The following RC3H1 variants were observed in gnomAD, a reference collection of about 807,000 sequenced individuals.
RC3H1 encodes roquin-1.
A neutral mutation model predicts 138.2 loss-of-function variants in RC3H1; 50 were observed. That is an observed-to-expected ratio of 0.36 (90% CI 0.29 to 0.46). RC3H1 has a LOEUF of 0.46. RC3H1 is among the 20% of genes least tolerant of loss of function. RC3H1 has a pLI of 1.00. For synonymous variants in RC3H1, 462 were observed against 489.1 expected, an observed-to-expected ratio of 0.94 and a Z score of 0.73; for missense variants, 1,031 against 1,388.1, an observed-to-expected ratio of 0.74 and a Z score of 4.09.
Position 173,947,545 on chromosome 1 carries a change from T to C in RC3H1, c.2561A>G (p.Asp854Gly). The change falls in exon 15 of 20, where the codon GAT becomes GGT. Residue 854 changes from aspartate (D) to glycine (G), a missense_variant. By Grantham distance (94) the Asp-to-Gly change is moderately conservative. Coordinates refer to ENST00000367696, the MANE Select transcript of RC3H1 (RefSeq NM_172071.4). Reference protein sequence around the residue: ...ESKGMRDQRLDLQRRAAETSD... With the variant: ...ESKGMRDQRLGLQRRAAETSD... ...GGTTTCTGCTGCTCTTCTCTGAAGA[T>C]CTAATCGCTGGTCCCTCATTCCTTT... 1.9e-6 allele frequency: 3 copies of C among 1,614,038 alleles called. No homozygotes were observed. The highest frequency in any genetic ancestry group is 2.5e-6 in the Non-Finnish European group (3 of 1,179,992).
At chr1:173,955,768 T>C (rs1006578909) in intron 13 of RC3H1, among the ~76,000 whole-genome samples, 15 of 152,160 alleles carry the variant, frequency 9.9e-5, no homozygotes, top group African/African-American at 3.6e-4. Context: ...GGAAGAATGT[T>C]ATTCCTACAA....
At chr1:174,004,657 A>C (rs2860843) in intron 1 of RC3H1, among the ~76,000 whole-genome samples, 11 of 151,182 alleles carry the variant, frequency 7.3e-5, no homozygotes, top group African/African-American at 2.7e-4. Context: ...AATACAAAAA[A>C]AAAAAAAAAA....
chr1:173,948,110 A>G (rs1659211970), intron 14 of RC3H1, among the ~76,000 whole-genome samples: 3 of 152,178 alleles, frequency 2.0e-5, no homozygotes, highest in Admixed American at 1.3e-4. Context: ...CTAAGCCCCA[A>G]GACACCAGAT....
intron 2 of RC3H1, among the ~76,000 whole-genome samples, chr1:173,988,032 TTCTC>T (rs1661102684): frequency 6.6e-6 from 1 of 152,210 alleles, no homozygotes; most frequent in Non-Finnish European, 1.5e-5. Context: ...GATAATATCT[TTCTC>T]TATCTTTAAT....
intron 3 of RC3H1, 152 bp from the exon 4 acceptor site, chr1:173,983,809 A>C (rs1348974717): frequency 1.4e-6 from 1 of 704,026 alleles, no homozygotes; most frequent in African/African-American, 1.8e-5. Flanking sequence ...ACACATGTAA[A>C]GCTTACTTAA....
intron 1 of RC3H1, among the ~76,000 whole-genome samples, chr1:174,003,294 G>A: frequency 6.6e-6 from 1 of 151,828 alleles, no homozygotes; most frequent in Non-Finnish European, 1.5e-5. Context: ...AGCTGAGGCA[G>A]GAGAATTCCT....
chr1:174,017,964 T>C (rs1661893774), intron 1 of RC3H1, among the ~76,000 whole-genome samples: 2 of 152,064 alleles, frequency 1.3e-5, no homozygotes, highest in African/African-American at 2.4e-5. Flanking sequence ...CTCAGCACTT[T>C]GGGAGGCAGA....
At chr1:173,954,595 T>C (rs1214654518) in intron 13 of RC3H1, among the ~76,000 whole-genome samples, 2 of 152,266 alleles carry the variant, frequency 1.3e-5, no homozygotes, top group South Asian at 2.1e-4. Flanking sequence ...GAAAAAATTA[T>C]GTTTTTTTGA....
At chr1:173,944,600 C>T (rs1371744016) in intron 17 of RC3H1, among the ~76,000 whole-genome samples, 2 of 152,130 alleles carry the variant, frequency 1.3e-5, no homozygotes, top group Admixed American at 1.3e-4. Context: ...AAAAACCATG[C>T]ATTTGAAGAT....
intron 1 of RC3H1, among the ~76,000 whole-genome samples, chr1:173,998,781 T>C (rs1661508598): frequency 6.6e-6 from 1 of 152,090 alleles, no homozygotes; most frequent in Non-Finnish European, 1.5e-5. Flanking sequence ...GAAATAAAGA[T>C]CTTATTATCA....
intron 10 of RC3H1, 71 bp downstream of exon 10, chr1:173,964,768 A>C: frequency 7.4e-7 from 1 of 1,344,406 alleles, no homozygotes; most frequent in Non-Finnish European, 1.0e-6. Flanking sequence ...AATCCCAAAC[A>C]TTAATTATTC....
rs1377244111 is a variant in RC3H1 at position 173,936,757 on chromosome 1, ATATATTT to A, written c.*1957_*1963del. 57 of 29,254 alleles carry A rather than the reference ATATATTT, an allele frequency of 1.9e-3. No homozygotes were observed. The highest frequency in any genetic ancestry group is 2.8e-3 in the East Asian group (2 of 704). The allele number at this position is 29,254 out of a possible 1,614,324, so 1.8% of individuals were successfully genotyped here. On this transcript the variant is annotated 3_prime_UTR_variant, in exon 20 of 20. Transcript: ENST00000367696. ...TATATATATATATATATATATATAT[ATATATTT>A]TTTTTTTTTTTTTTAAAAAAAGAAG...
intron 13 of RC3H1, among the ~76,000 whole-genome samples, chr1:173,953,283 T>C (rs1286612988): frequency 1.3e-5 from 2 of 151,944 alleles, no homozygotes; most frequent in African/African-American, 4.8e-5. Flanking sequence ...ACAGTGCTCC[T>C]TTTTTTTGAG....
intron 1 of RC3H1, among the ~76,000 whole-genome samples, chr1:174,010,613 A>G (rs1661733373): frequency 6.6e-6 from 1 of 151,800 alleles, no homozygotes; most frequent in Admixed American, 6.6e-5. Context: ...GAGGTCTCAC[A>G]ATATTGCCCA....
chr1:173,961,177 C>T lies in RC3H1; in HGVS notation c.2270G>A (p.Arg757Gln). The T allele has an allele frequency of 6.2e-7, 1 of 1,613,956 alleles. No homozygotes were observed. The change falls in exon 13 of 20, where the codon CGA becomes CAA. Residue 757 changes from arginine to glutamine, a missense_variant. By Grantham distance (43) the Arg-to-Gln change is conservative. Coordinates refer to ENST00000367696, the MANE Select transcript of RC3H1 (RefSeq NM_172071.4). ...PHPSLDELHR[R>Q]RKEIMAQLEE... is the part of the protein sequence containing the mutation. Reference sequence around the variant, plus strand: ...TAGCTGGGCCATTATTTCCTTTCGTCGGCGATGTAGTTCATCTAGACTAGG... The same window carrying T: ...TAGCTGGGCCATTATTTCCTTTCGTTGGCGATGTAGTTCATCTAGACTAGG...
At chr1:174,009,665 C>T (rs1188235665) in intron 1 of RC3H1, among the ~76,000 whole-genome samples, 4 of 152,028 alleles carry the variant, frequency 2.6e-5, no homozygotes, top group Admixed American at 6.6e-5. Flanking sequence ...ATGGTGAACC[C>T]GTCACTACCA....
chr1:173,992,916 T>C lies in RC3H1; in HGVS notation c.70A>G (p.Thr24Ala). The change falls in exon 2 of 20, where the codon ACA (threonine) becomes GCA (alanine). Residue 24 changes from threonine (T) to alanine (A), a missense_variant. By Grantham distance (58) the Thr-to-Ala change is moderately conservative. Around this residue, in one of 7 missense-constraint regions of RC3H1, gnomAD observed 35 missense variants for 69.4 expected, o/e 0.50. Coordinates refer to ENST00000367696, the MANE Select transcript of RC3H1 (RefSeq NM_172071.4). ...CPICTQTFDETIRKPISLGCG... is the reference protein window; with the variant it reads ...CPICTQTFDEAIRKPISLGCG... ...CCCAAACTGATGGGCTTTCGAATTG[T>C]TTCGTCGAAAGTCTGAGTGCAAATT... 6.2e-7 allele frequency: 1 copy of C among 1,614,090 alleles called. No homozygotes were observed. The highest frequency in any genetic ancestry group is 8.5e-7 in the Non-Finnish European group (1 of 1,180,020).
At chr1:174,009,746 G>A (rs1470279533) in intron 1 of RC3H1, among the ~76,000 whole-genome samples, 3 of 152,170 alleles carry the variant, frequency 2.0e-5, no homozygotes, top group Admixed American at 6.5e-5. Context: ...GCTGAGGCAC[G>A]AGAATCACTT....
intron 7 of RC3H1, among the ~76,000 whole-genome samples, chr1:173,973,528 C>G (rs116677964): frequency 7.0e-6 from 1 of 142,778 alleles, no homozygotes; most frequent in African/African-American, 2.8e-5. Flanking sequence ...GAGAGAAACT[C>G]CATCTCAAAA....
Sources: gnomAD v4.1 joint callset for allele counts (sites outside exome capture counted in the v4.1 genomes callset) on GRCh38, gnomAD v4.1.1 for gene constraint, gnomAD v4.1.1 regional missense constraint, MANE v1.5 for transcripts, NCBI Gene and HGNC (gene_info 2026-07-23, HGNC 2026-07-21) for gene names.